The following DEPDC5 variants were observed in gnomAD, a reference collection of about 807,000 sequenced individuals.
The protein encoded by DEPDC5 is DEP domain containing 5, GATOR1 subcomplex subunit, also known as GATOR1 complex protein DEPDC5.
In DEPDC5, 73 loss-of-function variants were observed where a neutral mutation model predicts 217.3. The ratio of observed to expected loss-of-function variants is 0.34; its 90% CI spans 0.28 to 0.41. DEPDC5 has a LOEUF of 0.41. DEPDC5 is among the 10% of genes least tolerant of loss of function. DEPDC5 has a pLI of 1.00. For missense variants in DEPDC5, 1,675 were observed against 2,070.1 expected (o/e 0.81, Z 3.70); for synonymous variants, 733 against 756.7 (o/e 0.97, Z 0.51).
intron 38 of DEPDC5, among the ~76,000 whole-genome samples, chr22:31,886,952 G>T (rs1034653074): frequency 2.0e-5 from 3 of 150,226 alleles, no homozygotes; most frequent in African/African-American, 7.4e-5. Context: ...GCGTGGTGGC[G>T]TGTGCCTGTA....
chr22:31,892,871 GTA>G (rs1368154191), intron 38 of DEPDC5, among the ~76,000 whole-genome samples: 1 of 137,982 alleles, frequency 7.2e-6, no homozygotes, highest in Non-Finnish European at 1.5e-5. Context: ...CTTTGGTGGT[GTA>G]TTTTTTTTTT....
At position 31,815,323 on chromosome 22, in the gene DEPDC5, T is replaced by C. The variant is rs537874929; in HGVS notation, c.1666+111T>C. On this transcript the variant is annotated intron_variant, in intron 21 of 42. Transcript: ENST00000651528. Reference sequence around the variant, plus strand: ...GGGTGTAAATCCCACATCTTAATGATTTCTTTGCCAGTGCAGTAGGTACAA... The same window carrying C: ...GGGTGTAAATCCCACATCTTAATGACTTCTTTGCCAGTGCAGTAGGTACAA... The C allele has an allele frequency of 2.1e-5, 24 of 1,161,580 alleles. No homozygotes were observed. In the African/African-American group the frequency reaches 3.5e-4, roughly 17 times the overall value. The allele number at this position is 1,161,580 out of a possible 1,614,324, so 72.0% of individuals were successfully genotyped here.
chr22:31,845,950 TCC>T (rs2091709045), intron 30 of DEPDC5, among the ~76,000 whole-genome samples: 1 of 151,116 alleles, frequency 6.6e-6, no homozygotes, highest in African/African-American at 2.4e-5. Context: ...AGCCTTGACC[TCC>T]CACCTTAGGC....
At chr22:31,778,718 C>T (rs902769710) in intron 8 of DEPDC5, among the ~76,000 whole-genome samples, 1 of 152,094 alleles carries the variant, frequency 6.6e-6, no homozygotes, top group Admixed American at 6.6e-5. Context: ...AGTTAAGCCC[C>T]ATGGAAGATC....
At chr22:31,779,295 T>C (rs549703163) in intron 8 of DEPDC5, among the ~76,000 whole-genome samples, 1 of 152,346 alleles carries the variant, frequency 6.6e-6, no homozygotes, top group East Asian at 1.9e-4. Flanking sequence ...ACATGTATGT[T>C]TGTGCGTGTG....
intron 27 of DEPDC5, 78 bp downstream of exon 27, chr22:31,838,923 G>A (rs940321105): frequency 1.4e-6 from 2 of 1,457,176 alleles, no homozygotes; most frequent in Non-Finnish European, 1.9e-6. Flanking sequence ...ATGGTAGGTA[G>A]TAGATAAATT....
chr22:31,836,807 CTCTT>C, intron 25 of DEPDC5, 161 bp from the exon 26 acceptor site: 1 of 630,906 alleles, frequency 1.6e-6, no homozygotes, highest in East Asian at 2.8e-5. Flanking sequence ...CTGTTTCTCT[CTCTT>C]TCTCCCTCCC....
chr22:31,882,198 T>A (rs943189359), intron 38 of DEPDC5, among the ~76,000 whole-genome samples: 1 of 152,186 alleles, frequency 6.6e-6, no homozygotes. Flanking sequence ...ATCAAGTTTA[T>A]TTTTAGTAGC....
At chr22:31,799,146 C>A (rs1287865537) in intron 14 of DEPDC5, among the ~76,000 whole-genome samples, 1 of 150,666 alleles carries the variant, frequency 6.6e-6, no homozygotes. Context: ...TGGGTTCAGG[C>A]GATTCTCCTG....
Position 31,792,771 on chromosome 22 carries a change from T to A in DEPDC5, c.721T>A (p.Ser241Thr). Residue 241 changes from serine to threonine, a missense_variant, in exon 12 of 43, where the codon TCA (serine) becomes ACA (threonine). Around this residue, in one of 11 missense-constraint regions of DEPDC5, gnomAD observed 628 missense variants for 762.1 expected, o/e 0.82. Coordinates refer to ENST00000651528, the MANE Select transcript of DEPDC5 (RefSeq NM_001242896.3). ...TGAATTTCCTGAAATAAACCGAGCCTCAATTCGACAGGATCACAAGGGGAG... is the reference window on the plus strand; with the variant it reads ...TGAATTTCCTGAAATAAACCGAGCCACAATTCGACAGGATCACAAGGGGAG... ...VDEFPEINRA[S>T]IRQDHKGRFY... 1 of 1,554,746 alleles carries A rather than the reference T, an allele frequency of 6.4e-7. No homozygotes were observed. Among genetic ancestry groups the A allele is most frequent in the Non-Finnish European group, 8.6e-7 (1 of 1,159,634 alleles).
chr22:31,796,937 C>T (rs1350685838), intron 12 of DEPDC5, among the ~76,000 whole-genome samples: 1 of 151,714 alleles, frequency 6.6e-6, no homozygotes, highest in Non-Finnish European at 1.5e-5. Flanking sequence ...CCACCTTATC[C>T]ACCTGCCTGG....
chr22:31,754,016 G>T (rs979218311), upstream of DEPDC5: 2 of 148,306 alleles, frequency 1.3e-5, no homozygotes, highest in African/African-American at 5.0e-5. Flanking sequence ...ACACGGTCGG[G>T]GCGGGCCTAG....
chr22:31,823,385 T>G (rs2089878493), intron 24 of DEPDC5, among the ~76,000 whole-genome samples: 1 of 151,796 alleles, frequency 6.6e-6, no homozygotes, highest in Admixed American at 6.6e-5. Context: ...ACAAAAAGAT[T>G]AGCCAGGCAT....
intron 20 of DEPDC5, among the ~76,000 whole-genome samples, chr22:31,811,323 G>C (rs1489289479): frequency 6.6e-6 from 1 of 152,122 alleles, no homozygotes; most frequent in East Asian, 1.9e-4. Context: ...TCCTGCCTCG[G>C]CCTCCCTAAG....
At position 31,810,417 on chromosome 22, in the gene DEPDC5, T is replaced by C. The variant is rs77706788; in HGVS notation, c.1325-104T>C. ...GTGAAGATTATCTGAAGGCCTCTGT[T>C]TGAAATGTATTTGGATGACAATTTA... On this transcript the variant is annotated intron_variant, in intron 19 of 42. Coordinates refer to ENST00000651528, the MANE Select transcript of DEPDC5 (RefSeq NM_001242896.3). 1.2e-3 allele frequency: 1,851 copies of C among 1,543,430 alleles called. 20 individuals carry two copies. In the African/African-American group the frequency reaches 0.021, roughly 18 times the overall value.
chr22:31,757,436 G>C (rs1245606951), intron 2 of DEPDC5: 2 of 152,196 alleles, frequency 1.3e-5, no homozygotes, highest in African/African-American at 4.8e-5. Flanking sequence ...CTGATCAGCA[G>C]TGGGATTGTC....
At chr22:31,831,691 C>T (rs1267329610) in intron 24 of DEPDC5, among the ~76,000 whole-genome samples, 1 of 152,156 alleles carries the variant, frequency 6.6e-6, no homozygotes, top group Non-Finnish European at 1.5e-5. Flanking sequence ...GAACTTCTGA[C>T]CTTCAGTGAT....
intron 39 of DEPDC5, 150 bp from the exon 40 acceptor site, chr22:31,897,331 CA>C: frequency 9.9e-7 from 1 of 1,010,838 alleles, no homozygotes; most frequent in Non-Finnish European, 1.4e-6. Context: ...TTTGCCTGTC[CA>C]GGACCAATTT....
intron 12 of DEPDC5, 105 bp downstream of exon 12, chr22:31,792,922 C>CA: frequency 1.0e-6 from 1 of 965,658 alleles, no homozygotes; most frequent in Non-Finnish European, 1.4e-6. Flanking sequence ...CTGTCTCTAC[C>CA]AAAAATACAA....
Sources: gnomAD v4.1 joint callset for allele counts (sites outside exome capture counted in the v4.1 genomes callset) on GRCh38, gnomAD v4.1.1 for gene constraint, gnomAD v4.1.1 regional missense constraint, MANE v1.5 for transcripts, NCBI Gene and HGNC (gene_info 2026-07-23, HGNC 2026-07-21) for gene names.